AQR: variants seen among roughly 807,000 people sequenced by gnomAD.
The protein encoded by AQR is aquarius intron-binding spliceosomal factor.
Under a neutral mutation model 180.5 loss-of-function variants are expected in AQR, and 61 were observed. The ratio of observed to expected loss-of-function variants is 0.34; its 90% CI spans 0.28 to 0.42. AQR has a LOEUF of 0.42. Ranked by LOEUF, AQR falls within the 10% of genes least tolerant of loss-of-function variation. The probability of loss-of-function intolerance (pLI) is 1.00; values close to 1 mark genes in which losing one functional copy is unlikely to be tolerated. For synonymous variants in AQR, 551 were observed against 588.8 expected (o/e 0.94, Z 0.93); for missense variants, 1,281 against 1,798.3 (o/e 0.71, Z 5.20).
chr15:34,950,940 T>G (rs1352651797), intron 4 of AQR, among the ~76,000 whole-genome samples: 1 of 152,218 alleles, frequency 6.6e-6, no homozygotes, highest in South Asian at 2.1e-4. Context: ...GTTATCTGAC[T>G]ACACAGCAAA....
At chr15:34,893,294 A>G (rs1893178308) in intron 23 of AQR, among the ~76,000 whole-genome samples, 1 of 152,158 alleles carries the variant, frequency 6.6e-6, no homozygotes, top group Non-Finnish European at 1.5e-5. Context: ...ACCGCACAAT[A>G]TAAACTACCC....
intron 19 of AQR, 70 bp downstream of exon 19, chr15:34,904,266 C>A (rs578067732): frequency 1.8e-6 from 2 of 1,138,088 alleles, no homozygotes; most frequent in African/African-American, 3.2e-5. Flanking sequence ...AACCAAATAT[C>A]TCTGTATTTA....
chr15:34,930,239 T>G lies in AQR; in HGVS notation c.1014+19A>C, dbSNP rs1442208605. The stretch of plus-strand genomic sequence containing the variant: ...AAAACCTTATGGAGCATACACAGTC[T>G]ATAATGTATTTTAATTACCTGTAGA... On this transcript the variant is annotated intron_variant, in intron 12 of 34. Coordinates refer to ENST00000156471, the MANE Select transcript of AQR (RefSeq NM_014691.3). The G allele has an allele frequency of 6.9e-7, 1 of 1,456,488 alleles. No individual in the cohort carries two copies. Among genetic ancestry groups the G allele is most frequent in the Admixed American group, 1.7e-5 (1 of 59,618 alleles). The allele number at this position is 1,456,488 out of a possible 1,614,324, so 90.2% of individuals were successfully genotyped here. A position where few individuals can be genotyped will look rare whatever the true frequency, so the allele number is the denominator to read the frequency against.
intron 21 of AQR, 43 bp from the exon 22 acceptor site, chr15:34,897,009 G>T: frequency 6.8e-7 from 1 of 1,469,142 alleles, no homozygotes; most frequent in Non-Finnish European, 9.5e-7. Context: ...GATAAATGAT[G>T]CTTTGTATAA....
At chr15:34,954,921 G>A (rs1025249857) in intron 3 of AQR, among the ~76,000 whole-genome samples, 5 of 152,058 alleles carry the variant, frequency 3.3e-5, no homozygotes, top group South Asian at 2.1e-4. Flanking sequence ...TCAGGGGTTC[G>A]AGACCAGCAT....
At position 34,918,355 on chromosome 15, in the gene AQR, A is replaced by T. The variant is rs755402300; in HGVS notation, c.1245T>A (p.Ile415=). The T allele has an allele frequency of 9.3e-5, 150 of 1,613,712 alleles. No homozygotes were observed. The highest frequency in any genetic ancestry group is 1.2e-4 in the Non-Finnish European group (137 of 1,179,882). Reference sequence around the variant, plus strand: ...TCTGGTTCAACTGCTGAATCTGAGAAATTCGACGTTCATGACGAGATACCT... The same window carrying T: ...TCTGGTTCAACTGCTGAATCTGAGATATTCGACGTTCATGACGAGATACCT... ...ELLVSRHERR[I]SQIQQLNQMP... Residue 415 remains isoleucine, a synonymous_variant, in exon 15 of 35, where the codon ATT becomes ATA. Transcript: ENST00000156471.
intron 7 of AQR, among the ~76,000 whole-genome samples, chr15:34,941,392 T>G (rs912383542): frequency 1.3e-5 from 2 of 152,146 alleles, no homozygotes; most frequent in Non-Finnish European, 1.5e-5. Context: ...ATCAGCATAT[T>G]CTCTCTTATA....
intron 3 of AQR, among the ~76,000 whole-genome samples, chr15:34,960,214 G>C (rs574073959): frequency 6.6e-6 from 1 of 152,160 alleles, no homozygotes; most frequent in Non-Finnish European, 1.5e-5. Flanking sequence ...ATGAAAAATA[G>C]CATGTAGAGT....
At chr15:34,864,932 T>C (rs1892720890) in intron 32 of AQR, among the ~76,000 whole-genome samples, 1 of 152,142 alleles carries the variant, frequency 6.6e-6, no homozygotes, top group Admixed American at 6.6e-5. Context: ...GCAGAGATCA[T>C]GAATGTTAGA....
intron 32 of AQR, 30 bp downstream of exon 32, chr15:34,867,494 T>C: frequency 6.4e-7 from 1 of 1,572,302 alleles, no homozygotes; most frequent in South Asian, 1.1e-5. Context: ...TAAAGTTCAA[T>C]AAATATTATG....
intron 20 of AQR, among the ~76,000 whole-genome samples, chr15:34,899,378 GAATT>G (rs1021145033): frequency 1.3e-5 from 2 of 151,952 alleles, no homozygotes; most frequent in Non-Finnish European, 2.9e-5. Flanking sequence ...TTAAAATGTA[GAATT>G]AATTATTATT....
chr15:34,925,604 G>T (rs974587504), intron 13 of AQR, among the ~76,000 whole-genome samples: 1 of 152,100 alleles, frequency 6.6e-6, no homozygotes, highest in Non-Finnish European at 1.5e-5. Flanking sequence ...TCTTTGGGAG[G>T]CCGAGGCAGG....
chr15:34,873,485 CTTGT>C (rs150997912), intron 30 of AQR, among the ~76,000 whole-genome samples: 13,870 of 151,992 alleles, frequency 0.091, 674 homozygotes, highest in Middle Eastern at 0.12. Flanking sequence ...CAGAATTCAA[CTTGT>C]TTGTTAAATA....
At chr15:34,957,638 T>G (rs1420549963) in intron 3 of AQR, among the ~76,000 whole-genome samples, 3 of 126,824 alleles carry the variant, frequency 2.4e-5, no homozygotes, top group Non-Finnish European at 5.1e-5. Flanking sequence ...GAGGTGGAGG[T>G]TGCGGTGAGC....
chr15:34,962,757 G>A (rs1187152164), intron 2 of AQR, among the ~76,000 whole-genome samples: 2 of 150,510 alleles, frequency 1.3e-5, no homozygotes, highest in Non-Finnish European at 2.9e-5. Flanking sequence ...TGACAAGAGC[G>A]AGACTCCACC....
chr15:34,886,678 G>C lies in AQR; in HGVS notation c.2682-17C>G. ...CTTCCATACCTAGACATTTCAATTAGGCAAAATGACAAAACTGTAATAAAG... is the reference window on the plus strand; with the variant it reads ...CTTCCATACCTAGACATTTCAATTACGCAAAATGACAAAACTGTAATAAAG... On this transcript the variant is annotated splice_polypyrimidine_tract_variant and intron_variant, in intron 24 of 34. Transcript: ENST00000156471. 1 of 1,586,602 alleles carries C rather than the reference G, an allele frequency of 6.3e-7. No individual in the cohort carries two copies. The highest frequency in any genetic ancestry group is 8.5e-7 in the Non-Finnish European group (1 of 1,171,826).
At chr15:34,948,657 G>A (rs140625348) in intron 4 of AQR, among the ~76,000 whole-genome samples, 2,516 of 151,932 alleles carry the variant, frequency 0.017, 51 homozygotes, top group Admixed American at 0.062. Flanking sequence ...AAAATTAGCT[G>A]GGTATGGTGG....
At chr15:34,906,084 G>A (rs1893411188) in intron 18 of AQR, among the ~76,000 whole-genome samples, 1 of 151,940 alleles carries the variant, frequency 6.6e-6, no homozygotes, top group Non-Finnish European at 1.5e-5. Context: ...TAACATAGAA[G>A]TTCTGAAACT....
intron 9 of AQR, among the ~76,000 whole-genome samples, chr15:34,937,264 A>AT (rs35439436): frequency 0.57 from 86,007 of 151,710 alleles, 28,637 homozygotes; most frequent in South Asian, 0.75. Context: ...TGACCTCGTG[A>AT]TCCACCCACC....
Sources: gnomAD v4.1 joint callset for allele counts (sites outside exome capture counted in the v4.1 genomes callset) on GRCh38, gnomAD v4.1.1 for gene constraint, MANE v1.5 for transcripts, NCBI Gene and HGNC (gene_info 2026-07-23, HGNC 2026-07-21) for gene names.